ITGA11: variants seen among roughly 807,000 people sequenced by gnomAD.
The protein encoded by ITGA11 is integrin alpha-11.
A neutral mutation model predicts 141.9 loss-of-function variants in ITGA11; 97 were observed. That is an observed-to-expected ratio of 0.68 (90% confidence interval 0.58 to 0.81). The LOEUF (loss-of-function observed/expected upper bound fraction) is 0.81. ITGA11 is among the 30% of genes least tolerant of loss of function. The pLI is 0.00. For missense variants in ITGA11, 1,387 were observed against 1,559.2 expected, an observed-to-expected ratio of 0.89 and a Z score of 1.86; for synonymous variants, 658 against 624.6, an observed-to-expected ratio of 1.05 and a Z score of -0.80.
intron 1 of ITGA11, among the ~76,000 whole-genome samples, chr15:68,428,991 A>G (rs148922282): frequency 5.3e-4 from 81 of 152,252 alleles, no homozygotes; most frequent in African/African-American, 1.9e-3. Flanking sequence ...TCTTCAATGT[A>G]CTTCCTCTAA....
In ITGA11 at chr15:68,335,985, CA is replaced by C; in HGVS notation, c.1277-141del. On this transcript the variant is annotated intron_variant, in intron 11 of 29. Coordinates refer to ENST00000315757, the MANE Select transcript of ITGA11 (RefSeq NM_001004439.2). The surrounding 1 kb of genome is among the most constrained non-coding windows in gnomAD (Gnocchi z 4.9). ...GGCTAGCTGAGCAGATTCAATCACG[CA>C]GGGCCATAATTCCTAGGGGCAGCTG... The C allele has an allele frequency of 1.0e-6, 1 of 995,644 alleles. No homozygotes were observed. Among genetic ancestry groups the C allele is most frequent in the Non-Finnish European group, 1.5e-6 (1 of 679,776 alleles). 61.7% of individuals were successfully genotyped at this position (995,644 alleles called of 1,614,324 possible).
rs769097202 is a variant in ITGA11, at chr15:68,331,045, C to G, written c.1837G>C (p.Asp613His). The change falls in exon 15 of 30, where the codon GAC (aspartate) becomes CAC (histidine). Residue 613 changes from aspartate (D) to histidine (H), a missense_variant. Physicochemically the swap from Asp to His is moderately conservative, Grantham distance 81 (BLOSUM62 -1). Coordinates refer to ENST00000315757, the MANE Select transcript of ITGA11 (RefSeq NM_001004439.2). ...TCGATGAGCCCATCCTCATTGAGGTCCAATTGCCCGTGGATGCTGCAGCCA... is the reference window on the plus strand; with the variant it reads ...TCGATGAGCCCATCCTCATTGAGGTGCAATTGCCCGTGGATGCTGCAGCCA... The part of the protein sequence containing the change: ...YFGCSIHGQL[D>H]LNEDGLIDLA... The G allele has an allele frequency of 3.7e-6, 6 of 1,612,974 alleles. No individual in the cohort carries two copies. The East Asian group carries it at 1.1e-4, about 30-fold the overall frequency.
At chr15:68,377,363 G>C (rs368578739) in intron 2 of ITGA11, among the ~76,000 whole-genome samples, 1,898 of 152,146 alleles carry the variant, frequency 0.012, 45 homozygotes, top group African/African-American at 0.04. Context: ...CCTCCACCCC[G>C]CTGGGTTCAA....
chr15:68,425,824 T>C (rs1897129748), intron 1 of ITGA11, among the ~76,000 whole-genome samples: 1 of 152,242 alleles, frequency 6.6e-6, no homozygotes, highest in Non-Finnish European at 1.5e-5. Flanking sequence ...AGCTGAGTGA[T>C]GCTGCTGGGG....
chr15:68,353,009 G>A (rs1433052934), intron 7 of ITGA11, among the ~76,000 whole-genome samples: 3 of 152,184 alleles, frequency 2.0e-5, no homozygotes, highest in Non-Finnish European at 4.4e-5. Context: ...AAAAATAAAT[G>A]TTAGTCTTAG....
At chr15:68,410,883 G>A (rs1896757633) in intron 1 of ITGA11, among the ~76,000 whole-genome samples, 1 of 152,226 alleles carries the variant, frequency 6.6e-6, no homozygotes. Context: ...AAGAGCTTGG[G>A]GAGCCCTCTG....
intron 1 of ITGA11, among the ~76,000 whole-genome samples, chr15:68,430,100 T>C (rs1467214146): frequency 3.3e-5 from 5 of 152,212 alleles, no homozygotes; most frequent in Non-Finnish European, 7.3e-5. Context: ...CAACATTGAT[T>C]GATATGTTTA....
At position 68,320,079 on chromosome 15, in the gene ITGA11, T is replaced by C. The variant is rs756726351; in HGVS notation, c.2616+106A>G. 3.4e-5 allele frequency: 32 copies of C among 950,152 alleles called. 1 individual carries two copies. The highest frequency in any genetic ancestry group is 5.0e-5 in the Non-Finnish European group (31 of 614,638). The allele number at this position is 950,152 out of a possible 1,614,324, so 58.9% of individuals were successfully genotyped here. On this transcript the variant is annotated intron_variant, in intron 20 of 29. Coordinates refer to ENST00000315757, the MANE Select transcript of ITGA11 (RefSeq NM_001004439.2). ...TGCTAGGATTACAGGCATGAGCCACTGCATCCAGCTTTCTTGTGATTCCAA... is the reference window on the plus strand; with the variant it reads ...TGCTAGGATTACAGGCATGAGCCACCGCATCCAGCTTTCTTGTGATTCCAA...
chr15:68,341,875 C>T (rs556679888), intron 10 of ITGA11, among the ~76,000 whole-genome samples: 4 of 152,326 alleles, frequency 2.6e-5, no homozygotes, highest in African/African-American at 4.8e-5. Flanking sequence ...TGGGGAATTC[C>T]GTCATGACTT....
intron 7 of ITGA11, among the ~76,000 whole-genome samples, chr15:68,355,830 C>T (rs1036152426): frequency 6.6e-6 from 1 of 152,024 alleles, no homozygotes; most frequent in Non-Finnish European, 1.5e-5. Flanking sequence ...GGTACCAGGT[C>T]TGTGGTCTCA....
At position 68,344,947 on chromosome 15, in the gene ITGA11, A is replaced by G. The variant is rs1036893706; in HGVS notation, c.1131+3883T>C. Among the ~76,000 whole-genome samples, 11 of 152,020 alleles carry G rather than the reference A, an allele frequency of 7.2e-5. No individual in the cohort carries two copies. The East Asian group carries it at 2.0e-3, about 27-fold the overall frequency. On this transcript the variant is annotated intron_variant, in intron 10 of 29. Transcript: ENST00000315757. ...GGCGGATGCGAAATCCCTCCAGCTGAGCCCTCTGCACACCGTCACCCATGC... is the reference window on the plus strand; with the variant it reads ...GGCGGATGCGAAATCCCTCCAGCTGGGCCCTCTGCACACCGTCACCCATGC...
intron 1 of ITGA11, among the ~76,000 whole-genome samples, chr15:68,413,509 A>G (rs1896823198): frequency 6.6e-6 from 1 of 152,238 alleles, no homozygotes; most frequent in South Asian, 2.1e-4. Context: ...TTATAAGTCA[A>G]CAGAGCCTGA....
intron 2 of ITGA11, 99 bp from the exon 3 acceptor site, chr15:68,369,383 GGAGGGT>G: frequency 1.6e-6 from 1 of 625,216 alleles, no homozygotes; most frequent in African/African-American, 1.8e-5. Flanking sequence ...AGTTGGGTGG[GGAGGGT>G]GGGAGGGAAC....
At chr15:68,313,008 C>T in intron 23 of ITGA11, 145 bp from the exon 24 acceptor site, 1 of 618,112 alleles carries the variant, frequency 1.6e-6, no homozygotes. Context: ...GAGTGAGTGT[C>T]ATGTTGGAAG....
At chr15:68,382,075 C>CA in intron 2 of ITGA11, among the ~76,000 whole-genome samples, 1 of 152,196 alleles carries the variant, frequency 6.6e-6, no homozygotes, top group Admixed American at 6.5e-5. Context: ...CTGTCTGGTT[C>CA]AAAGCTCAGA....
intron 6 of ITGA11, among the ~76,000 whole-genome samples, chr15:68,357,726 A>G (rs1157847862): frequency 6.6e-6 from 1 of 152,182 alleles, no homozygotes; most frequent in Non-Finnish European, 1.5e-5. Context: ...TAAAATAATG[A>G]CAATATTAAT....
chr15:68,368,261 G>C (rs1895489068), intron 3 of ITGA11, among the ~76,000 whole-genome samples: 1 of 152,142 alleles, frequency 6.6e-6, no homozygotes, highest in African/African-American at 2.4e-5. Context: ...GGAGGCCCAG[G>C]GTCCTGGCCC....
chr15:68,364,891 C>G, intron 3 of ITGA11, 93 bp from the exon 4 acceptor site: 1 of 1,224,536 alleles, frequency 8.2e-7, no homozygotes, highest in East Asian at 2.4e-5. Flanking sequence ...GGTGCCTCCC[C>G]GATTCTCCCT....
intron 3 of ITGA11, among the ~76,000 whole-genome samples, chr15:68,366,579 C>T (rs1224852605): frequency 6.6e-6 from 1 of 151,932 alleles, no homozygotes; most frequent in East Asian, 1.9e-4. Flanking sequence ...CCTCCCTCTC[C>T]CCTGGGACTG....
Sources: allele counts gnomAD v4.1 joint callset (sites outside exome capture counted in the v4.1 genomes callset), GRCh38; gene constraint gnomAD v4.1.1; non-coding constraint Gnocchi (gnomAD v3.1); transcripts MANE v1.5; gene names NCBI Gene and HGNC (gene_info 2026-07-23, HGNC 2026-07-21).